Variants in TMEM233 observed in about 807,000 individuals in gnomAD.
TMEM233 encodes transmembrane protein 233.
In TMEM233, 6 loss-of-function variants were observed where a neutral mutation model predicts 11.2. That is an observed-to-expected ratio of 0.54 (90% CI 0.29 to 1.06). The LOEUF is 1.06. Among genes scored for constraint, TMEM233 ranks in the 50% least tolerant of loss-of-function variants. TMEM233 has a pLI of 0.08. For synonymous variants in TMEM233, 59 were observed against 55.8 expected (o/e 1.06, Z -0.26); for missense variants, 127 against 144.7 (o/e 0.88, Z 0.63).
At chr12:119,619,221 A>G (rs926531696) in intron 1 of TMEM233, among the ~76,000 whole-genome samples, 2 of 152,208 alleles carry the variant, frequency 1.3e-5, no homozygotes, top group Non-Finnish European at 2.9e-5. Context: ...CTCCCCAGCC[A>G]TGCTGAACTG....
chr12:119,644,067 G>T (rs1955119900), downstream of TMEM233, among the ~76,000 whole-genome samples: 1 of 152,064 alleles, frequency 6.6e-6, no homozygotes, highest in Admixed American at 6.5e-5. Flanking sequence ...ATAGCTCCAG[G>T]GGGGAAAAAT....
intron 1 of TMEM233, among the ~76,000 whole-genome samples, chr12:119,623,403 G>T (rs990384393): frequency 6.6e-6 from 1 of 151,968 alleles, no homozygotes; most frequent in Non-Finnish European, 1.5e-5. Context: ...CAGAATTTAG[G>T]GTTCTAATAT....
chr12:119,624,857 C>CA (rs1187190400), intron 1 of TMEM233, among the ~76,000 whole-genome samples: 1 of 151,976 alleles, frequency 6.6e-6, no homozygotes, highest in East Asian at 1.9e-4. Flanking sequence ...TTTACCACAA[C>CA]AAAAAAATCA....
At chr12:119,599,283 A>C (rs898792296) in intron 1 of TMEM233, among the ~76,000 whole-genome samples, 2 of 152,226 alleles carry the variant, frequency 1.3e-5, no homozygotes, top group African/African-American at 4.8e-5. Flanking sequence ...TAACTTAAAG[A>C]GTGTAATTGC....
chr12:119,615,448 A>G (rs1218223412), intron 1 of TMEM233, among the ~76,000 whole-genome samples: 1 of 152,014 alleles, frequency 6.6e-6, no homozygotes. Flanking sequence ...AAAACTTTCA[A>G]AAAAAAATTC....
chr12:119,615,542 C>G (rs1954509725), intron 1 of TMEM233, among the ~76,000 whole-genome samples: 1 of 152,128 alleles, frequency 6.6e-6, no homozygotes, highest in Non-Finnish European at 1.5e-5. Context: ...AAGCTTCCCA[C>G]CCCAGGTAAT....
At position 119,595,892 on chromosome 12, in the gene TMEM233, A is replaced by G. The variant is rs1954036147; in HGVS notation, c.186+1858A>G. Among the ~76,000 whole-genome samples the G allele has an allele frequency of 6.6e-6, 1 of 152,224 alleles. No homozygotes were observed. Among genetic ancestry groups the G allele is most frequent in the Admixed American group, 6.5e-5 (1 of 15,280 alleles). ...TTACAGTCTGTGTCCCTCTCATTAG[A>G]ATATAAGCTCCATAAGGGCAGGAAT... On this transcript the variant is annotated intron_variant, in intron 1 of 2. Coordinates refer to ENST00000426426, the MANE Select transcript of TMEM233 (RefSeq NM_001136534.3). This position sits in a 1 kb window ranked among gnomAD's most constrained non-coding sequence, Gnocchi z 4.3.
At chr12:119,652,361 T>C in the TMEM233 span, among the ~76,000 whole-genome samples, 1 of 152,234 alleles carries the variant, frequency 6.6e-6, no homozygotes, top group African/African-American at 2.4e-5. Context: ...GTAACTTATA[T>C]TGGGCAAATT....
intron 1 of TMEM233, among the ~76,000 whole-genome samples, chr12:119,601,551 G>A (rs866491461): frequency 5.3e-5 from 8 of 151,940 alleles, no homozygotes; most frequent in Middle Eastern, 6.8e-3. Flanking sequence ...CCAGCTACTC[G>A]GGAGGCTAAG....
intron 1 of TMEM233, among the ~76,000 whole-genome samples, chr12:119,618,176 C>T (rs1203736584): frequency 6.6e-6 from 1 of 152,146 alleles, no homozygotes; most frequent in East Asian, 1.9e-4. Flanking sequence ...TGGTGTTAGT[C>T]CTGAGGGTGT....
chr12:119,595,803 C>T lies in TMEM233; in HGVS notation c.186+1769C>T, dbSNP rs1040505926. Among the ~76,000 whole-genome samples, 3 of 152,200 alleles carry T rather than the reference C, an allele frequency of 2.0e-5. No homozygotes were observed. The highest frequency in any genetic ancestry group is 7.2e-5 in the African/African-American group (3 of 41,442). On this transcript the variant is annotated intron_variant, in intron 1 of 2. Transcript: ENST00000426426. This position sits in a 1 kb window ranked among gnomAD's most constrained non-coding sequence, Gnocchi z 4.3. ...CCCCGCGCAAGCTCTGTTCTTCCTTCCCTGCTACCTTTTGACCAAATTACT... is the reference window on the plus strand; with the variant it reads ...CCCCGCGCAAGCTCTGTTCTTCCTTTCCTGCTACCTTTTGACCAAATTACT...
intron 1 of TMEM233, among the ~76,000 whole-genome samples, chr12:119,601,908 T>C (rs1256014817): frequency 1.3e-5 from 2 of 152,008 alleles, no homozygotes; most frequent in East Asian, 3.9e-4. Context: ...GAAAAGGGAT[T>C]CAACATAGAA....
chr12:119,635,578 AC>A (rs1954956627), intron 2 of TMEM233, among the ~76,000 whole-genome samples: 1 of 152,152 alleles, frequency 6.6e-6, no homozygotes, highest in Non-Finnish European at 1.5e-5. Flanking sequence ...TCCAGTGACT[AC>A]CAACTAGGTA....
In TMEM233 at chr12:119,593,832, C is replaced by A; in HGVS notation, c.-17C>A. Reference sequence around the variant, plus strand: ...ACCGTGCGCTCCTCCGCCCTCCCGGCGCCGCCGGCCTCGCCCATGTCTCAG... The same window carrying A: ...ACCGTGCGCTCCTCCGCCCTCCCGGAGCCGCCGGCCTCGCCCATGTCTCAG... On this transcript the variant is annotated 5_prime_UTR_variant, in exon 1 of 3. Coordinates refer to ENST00000426426, the MANE Select transcript of TMEM233 (RefSeq NM_001136534.3). This position sits in a 1 kb window ranked among gnomAD's most constrained non-coding sequence, Gnocchi z 4.1. 1 of 1,549,214 alleles carries A rather than the reference C, an allele frequency of 6.5e-7. No individual in the cohort carries two copies. The highest frequency in any genetic ancestry group is 1.2e-5 in the South Asian group (1 of 83,870).
At chr12:119,596,487 CTTTTTTTTT>C (rs34129084) in intron 1 of TMEM233, among the ~76,000 whole-genome samples, 2 of 90,380 alleles carry the variant, frequency 2.2e-5, no homozygotes, top group African/African-American at 9.0e-5. Flanking sequence ...AAGTTTGTAT[CTTTTTTTTT>C]TTTTTTTTTT....
chr12:119,618,005 T>A (rs1954569621), intron 1 of TMEM233, among the ~76,000 whole-genome samples: 1 of 152,182 alleles, frequency 6.6e-6, no homozygotes, highest in African/African-American at 2.4e-5. Flanking sequence ...GGGAAAATTG[T>A]TTCATGGGCC....
chr12:119,639,654 A>G (rs1955043791), intron 2 of TMEM233, among the ~76,000 whole-genome samples: 1 of 152,024 alleles, frequency 6.6e-6, no homozygotes, highest in African/African-American at 2.4e-5. Context: ...AAGAGGACCT[A>G]TTTACAAGTT....
chr12:119,649,344 A>G, the TMEM233 span, among the ~76,000 whole-genome samples: 1 of 152,128 alleles, frequency 6.6e-6, no homozygotes, highest in Non-Finnish European at 1.5e-5. Context: ...AGAAAAGAAG[A>G]GAAAAAGAAA....
chr12:119,630,012 T>C, intron 2 of TMEM233, 140 bp downstream of exon 2: 1 of 1,058,354 alleles, frequency 9.4e-7, no homozygotes, highest in Non-Finnish European at 1.3e-6. Context: ...CAGAATAAAT[T>C]TGTCCCAGTC....
Sources: gnomAD v4.1 joint callset for allele counts (sites outside exome capture counted in the v4.1 genomes callset) on GRCh38, gnomAD v4.1.1 for gene constraint, Gnocchi (gnomAD v3.1) non-coding constraint, MANE v1.5 for transcripts, NCBI Gene and HGNC (gene_info 2026-07-23, HGNC 2026-07-21) for gene names.